The following UMAD1 variants were observed in gnomAD, a reference collection of about 807,000 sequenced individuals.
UMAD1 encodes UBAP1-MVB12-associated (UMA)-domain containing protein 1.
Under a neutral mutation model 6.1 loss-of-function variants are expected in UMAD1, and 8 were observed. That is an observed-to-expected ratio of 1.30 (90% CI 0.76 to 2.35). The LOEUF is 2.35. UMAD1 is among the 30% of genes most tolerant of loss of function. UMAD1 has a pLI of 0.00. For missense variants in UMAD1, 130 were observed against 78.4 expected (o/e 1.66, Z -2.49); for synonymous variants, 56 against 31.4 (o/e 1.78, Z -2.61).
intron 3 of UMAD1, among the ~76,000 whole-genome samples, chr7:7,855,506 G>A (rs1042112169): frequency 2.0e-5 from 3 of 152,224 alleles, no homozygotes; most frequent in Non-Finnish European, 4.4e-5. Flanking sequence ...GGCCTGAGTT[G>A]TACCTTGGCC....
intron 1 of UMAD1, among the ~76,000 whole-genome samples, chr7:7,657,624 A>G (rs548749309): frequency 6.2e-4 from 94 of 151,866 alleles, no homozygotes; most frequent in African/African-American, 2.2e-3. Context: ...ATGGTTGTAG[A>G]TGTGTGGTAT....
intron 2 of UMAD1, among the ~76,000 whole-genome samples, chr7:7,680,768 A>T (rs1372091687): frequency 6.6e-6 from 1 of 151,870 alleles, no homozygotes; most frequent in African/African-American, 2.4e-5. Context: ...CACTTTGGTT[A>T]TATTTATTCC....
intron 3 of UMAD1, among the ~76,000 whole-genome samples, chr7:7,855,807 T>C (rs1784006880): frequency 6.6e-6 from 1 of 152,252 alleles, no homozygotes; most frequent in East Asian, 1.9e-4. Context: ...GATGCATATT[T>C]TTCAAACTTT....
chr7:7,794,838 A>G (rs10278342), intron 2 of UMAD1, among the ~76,000 whole-genome samples: 48,615 of 152,028 alleles, frequency 0.32, 8,567 homozygotes, highest in East Asian at 0.42. Context: ...GAGAGATGAA[A>G]TGAAAGGCTG....
At chr7:7,801,527 G>C in intron 2 of UMAD1, 143 bp from the exon 3 acceptor site, 3 of 583,640 alleles carry the variant, frequency 5.1e-6, no homozygotes, top group Non-Finnish European at 9.1e-6. Flanking sequence ...AAGTTAGCTT[G>C]TTTACTTTGA....
At chr7:7,872,714 A>G (rs1784352958) in intron 3 of UMAD1, among the ~76,000 whole-genome samples, 1 of 152,204 alleles carries the variant, frequency 6.6e-6, no homozygotes, top group Non-Finnish European at 1.5e-5. Flanking sequence ...AAAGTGCAAT[A>G]AAAGAATGTA....
intron 2 of UMAD1, among the ~76,000 whole-genome samples, chr7:7,728,465 G>A (rs1781185052): frequency 6.6e-6 from 1 of 152,126 alleles, no homozygotes; most frequent in South Asian, 2.1e-4. Context: ...CCAACATGGT[G>A]AAACCCCGTC....
At position 7,743,047 on chromosome 7, in the gene UMAD1, A is replaced by G. The variant is rs144702686; in HGVS notation, c.83-58623A>G. The stretch of plus-strand genomic sequence containing the variant: ...ATATATGTGTTTACATTCCTGTTGA[A>G]ATCTGAAGAAGGTGGTGTGTATTTA... On this transcript the variant is annotated intron_variant, in intron 2 of 3. Transcript: ENST00000682710. 7.0e-3 allele frequency among the ~76,000 whole-genome samples: 1,069 copies of G among 152,254 alleles called. 9 individuals are homozygous for G. The highest frequency in any genetic ancestry group is 0.023 in the African/African-American group (965 of 41,550).
intron 2 of UMAD1, among the ~76,000 whole-genome samples, chr7:7,696,867 C>T (rs1780332638): frequency 6.6e-6 from 1 of 151,586 alleles, no homozygotes; most frequent in Non-Finnish European, 1.5e-5. Context: ...CTGCCCTTTT[C>T]AGACATTCCT....
chr7:7,688,985 G>A (rs1563124261), intron 2 of UMAD1, among the ~76,000 whole-genome samples: 1 of 152,128 alleles, frequency 6.6e-6, no homozygotes, highest in Non-Finnish European at 1.5e-5. Flanking sequence ...TTATATAAAT[G>A]CAAATTAGTA....
chr7:7,769,778 C>G (rs80002442), intron 2 of UMAD1, among the ~76,000 whole-genome samples: 4,671 of 152,198 alleles, frequency 0.031, 174 homozygotes, highest in East Asian at 0.19. Flanking sequence ...AACACACATT[C>G]TAGGAGAGGA....
At chr7:7,789,293 C>T (rs1240770005) in intron 2 of UMAD1, among the ~76,000 whole-genome samples, 4 of 152,136 alleles carry the variant, frequency 2.6e-5, no homozygotes, top group African/African-American at 4.8e-5. Context: ...ACATTTCCCT[C>T]GCATGACTTT....
intron 1 of UMAD1, among the ~76,000 whole-genome samples, chr7:7,646,910 A>T (rs546624755): frequency 2.1e-4 from 32 of 152,280 alleles, no homozygotes; most frequent in African/African-American, 7.2e-4. Context: ...AAAAGGCAAC[A>T]TTTGGGTGCA....
chr7:7,864,622 C>G (rs1183831103), intron 3 of UMAD1, among the ~76,000 whole-genome samples: 1 of 150,234 alleles, frequency 6.7e-6, no homozygotes. Flanking sequence ...CACACACACA[C>G]ACACACACAC....
intron 2 of UMAD1, among the ~76,000 whole-genome samples, chr7:7,690,107 A>T (rs141173618): frequency 6.6e-6 from 1 of 152,270 alleles, no homozygotes; most frequent in African/African-American, 2.4e-5. Flanking sequence ...CGTATTACTG[A>T]TATTAGGCAG....
Position 7,663,851 on chromosome 7 carries a change from A to G in UMAD1, c.-63-9458A>G, listed in dbSNP as rs574701489. ...ATCAGTTTTATACAACTGATCTCCT[A>G]TTCCTACAGATTTATAAAATAGCCT... On this transcript the variant is annotated intron_variant, in intron 1 of 3. Transcript: ENST00000682710. Among the ~76,000 whole-genome samples, 404 of 152,338 alleles carry G rather than the reference A, an allele frequency of 2.7e-3. 3 individuals are homozygous for G. The highest frequency in any genetic ancestry group is 9.3e-3 in the African/African-American group (386 of 41,572).
intron 2 of UMAD1, among the ~76,000 whole-genome samples, chr7:7,778,270 G>A (rs1782264352): frequency 7.1e-6 from 1 of 140,124 alleles, no homozygotes; most frequent in Admixed American, 7.3e-5. Flanking sequence ...GTGTGTGTGT[G>A]TGTGTGAGAG....
At chr7:7,719,202 C>T (rs1780992829) in intron 2 of UMAD1, among the ~76,000 whole-genome samples, 1 of 152,138 alleles carries the variant, frequency 6.6e-6, no homozygotes, top group African/African-American at 2.4e-5. Context: ...GAAATATGAT[C>T]AGCAAGCTTT....
At chr7:7,876,429 AT>A (rs977624299) in intron 3 of UMAD1, among the ~76,000 whole-genome samples, 1 of 152,008 alleles carries the variant, frequency 6.6e-6, no homozygotes, top group Non-Finnish European at 1.5e-5. Flanking sequence ...GGGGGGAGTC[AT>A]TTTTTTGCCC....
Sources: allele counts gnomAD v4.1 joint callset (sites outside exome capture counted in the v4.1 genomes callset), GRCh38; gene constraint gnomAD v4.1.1; transcripts MANE v1.5; gene names NCBI Gene and HGNC (gene_info 2026-07-23, HGNC 2026-07-21).